Variants in SCAI observed in about 807,000 individuals in gnomAD.
SCAI encodes the protein protein SCAI.
Under a neutral mutation model 92.2 loss-of-function variants are expected in SCAI, and 24 were observed. The ratio of observed to expected loss-of-function variants is 0.26; its 90% CI spans 0.19 to 0.37. The LOEUF (loss-of-function observed/expected upper bound fraction) is 0.37. SCAI is among the 10% of genes least tolerant of loss of function. The pLI is 1.00. For missense variants in SCAI, 450 were observed against 736.2 expected (o/e 0.61, Z 4.50); for synonymous variants, 261 against 258.6 (o/e 1.01, Z -0.09).
chr9:125,030,015 G>A (rs1031111588), intron 3 of SCAI, among the ~76,000 whole-genome samples: 2 of 151,902 alleles, frequency 1.3e-5, no homozygotes, highest in African/African-American at 2.4e-5. Context: ...CCTCTCCCTC[G>A]GTGATCTTAT....
At chr9:125,132,104 C>A (rs1368753077) in intron 2 of SCAI, among the ~76,000 whole-genome samples, 1 of 150,372 alleles carries the variant, frequency 6.7e-6, no homozygotes, top group African/African-American at 2.4e-5. Context: ...CATTCATTTT[C>A]TTTTCTTTTT....
intron 2 of SCAI, among the ~76,000 whole-genome samples, chr9:125,087,005 G>T (rs1374385314): frequency 6.6e-6 from 1 of 152,144 alleles, no homozygotes; most frequent in Non-Finnish European, 1.5e-5. Context: ...GGACAATTCT[G>T]TGAATGAAAA....
intron 2 of SCAI, among the ~76,000 whole-genome samples, chr9:125,059,501 G>T (rs1255663620): frequency 6.6e-6 from 1 of 152,116 alleles, no homozygotes; most frequent in Non-Finnish European, 1.5e-5. Context: ...TACAAACACA[G>T]TAAAATACAG....
intron 7 of SCAI, among the ~76,000 whole-genome samples, chr9:125,020,414 C>T (rs1185858903): frequency 2.6e-5 from 4 of 152,104 alleles, no homozygotes; most frequent in African/African-American, 9.7e-5. Context: ...CCCAGCCATC[C>T]ACTGATGGGC....
At position 125,070,650 on chromosome 9, in the gene SCAI, C is replaced by T. The variant is rs373771473; in HGVS notation, c.99-14643G>A. Among the ~76,000 whole-genome samples, 13 of 152,170 alleles carry T rather than the reference C, an allele frequency of 8.5e-5. No individual in the cohort carries two copies. The South Asian group carries it at 1.0e-3, about 12-fold the overall frequency. On this transcript the variant is annotated intron_variant, in intron 2 of 17. Coordinates refer to ENST00000336505, the MANE Select transcript of SCAI (RefSeq NM_001144877.3). ...CTGACCTCAAGTCATCCACCTACCT[C>T]GACCTCCCAGCGTGCTGGGATTACA...
intron 17 of SCAI, among the ~76,000 whole-genome samples, chr9:124,959,493 C>T (rs10986491): frequency 6.9e-5 from 8 of 116,278 alleles, no homozygotes; most frequent in Admixed American, 1.7e-4. Context: ...TACACACACA[C>T]ATATATATAC....
intron 2 of SCAI, among the ~76,000 whole-genome samples, chr9:125,056,698 G>C (rs375068219): frequency 3.3e-5 from 5 of 152,092 alleles, no homozygotes; most frequent in Non-Finnish European, 5.9e-5. Flanking sequence ...CCACAAATGG[G>C]AAAACACTTT....
rs1831216800 is a variant in SCAI, at chr9:124,950,459, C to G, written c.*2348G>C. ...TAACGGGGGAGGATAAAGCTCAGAA[C>G]AGTAAATACTATTTTAAACATTAGA... On this transcript the variant is annotated 3_prime_UTR_variant, in exon 18 of 18. Transcript: ENST00000336505. 2.0e-5 allele frequency: 3 copies of G among 152,070 alleles called. No individual in the cohort carries two copies. Among genetic ancestry groups the G allele is most frequent in the Admixed American group, 2.0e-4 (3 of 15,254 alleles). The allele number at this position is 152,070 out of a possible 1,614,324, so 9.4% of individuals were successfully genotyped here. A position where few individuals can be genotyped will look rare whatever the true frequency, so the allele number is the denominator to read the frequency against.
At chr9:125,142,818 C>T (rs1006328738) in intron 1 of SCAI, 141 bp from the exon 2 acceptor site, 3 of 684,910 alleles carry the variant, frequency 4.4e-6, no homozygotes, top group Non-Finnish European at 5.2e-6. Context: ...CTTACAAACG[C>T]CTCATGCCCT....
intron 4 of SCAI, 119 bp downstream of exon 4, chr9:125,029,525 C>T: frequency 3.8e-6 from 2 of 528,274 alleles, no homozygotes; most frequent in South Asian, 3.5e-5. Flanking sequence ...TTTACCTTTG[C>T]TTTGTTGGTG....
chr9:125,111,561 T>A (rs532390741), intron 2 of SCAI, among the ~76,000 whole-genome samples: 63 of 87,590 alleles, frequency 7.2e-4, no homozygotes, highest in South Asian at 1.8e-3. Flanking sequence ...TTGTGAAAAT[T>A]TTTTTTTTTT....
chr9:125,112,728 A>G (rs927495796), intron 2 of SCAI, among the ~76,000 whole-genome samples: 3 of 152,254 alleles, frequency 2.0e-5, no homozygotes, highest in Non-Finnish European at 1.5e-5. Context: ...AAAAGGAATC[A>G]GGGATCCTTG....
intron 2 of SCAI, among the ~76,000 whole-genome samples, chr9:125,096,391 G>A (rs10819029): frequency 0.23 from 35,618 of 152,094 alleles, 4,697 homozygotes; most frequent in Non-Finnish European, 0.3. Flanking sequence ...ATGAGATTTG[G>A]GTGGGGACAC....
chr9:125,077,710 C>CACTT (rs1564403946), intron 2 of SCAI, among the ~76,000 whole-genome samples: 2 of 151,246 alleles, frequency 1.3e-5, no homozygotes, highest in Non-Finnish European at 3.0e-5. Flanking sequence ...AGATACTTGA[C>CACTT]ATTTATTTAT....
chr9:125,104,142 C>G (rs764867963), intron 2 of SCAI, among the ~76,000 whole-genome samples: 2 of 152,124 alleles, frequency 1.3e-5, no homozygotes, highest in Non-Finnish European at 2.9e-5. Context: ...AAGACAATAA[C>G]TAGAAAGTGA....
At chr9:125,081,701 T>C (rs1468719131) in intron 2 of SCAI, among the ~76,000 whole-genome samples, 1 of 152,074 alleles carries the variant, frequency 6.6e-6, no homozygotes, top group Non-Finnish European at 1.5e-5. Context: ...ACCTCCTGAG[T>C]AGCTGGGACC....
chr9:125,028,648 T>C (rs1427904160), intron 4 of SCAI, among the ~76,000 whole-genome samples, 170 bp from the exon 5 acceptor site: 2 of 152,204 alleles, frequency 1.3e-5, no homozygotes, highest in Non-Finnish European at 2.9e-5. Flanking sequence ...TTATTAAATG[T>C]CTATTTATAA....
chr9:125,128,437 T>C (rs1391408786), intron 2 of SCAI, among the ~76,000 whole-genome samples: 1 of 151,984 alleles, frequency 6.6e-6, no homozygotes, highest in Non-Finnish European at 1.5e-5. Context: ...CTGGCCAACA[T>C]GGTGAAACCC....
intron 17 of SCAI, among the ~76,000 whole-genome samples, chr9:124,962,574 A>G (rs1031083607): frequency 2.0e-5 from 3 of 152,210 alleles, no homozygotes; most frequent in Non-Finnish European, 4.4e-5. Flanking sequence ...ACGTAGCTAC[A>G]GTGATGGCTT....
Sources: gnomAD v4.1 joint callset for allele counts (sites outside exome capture counted in the v4.1 genomes callset) on GRCh38, gnomAD v4.1.1 for gene constraint, MANE v1.5 for transcripts, NCBI Gene and HGNC (gene_info 2026-07-23, HGNC 2026-07-21) for gene names.